The following RHOT2 variants were observed in gnomAD, a reference collection of about 807,000 sequenced individuals.
The protein encoded by RHOT2 is mitochondrial Rho GTPase 2.
Under a neutral mutation model 81.6 loss-of-function variants are expected in RHOT2, and 90 were observed. The observed-to-expected ratio is 1.10, with a 90% CI of 0.93 to 1.31. The LOEUF is 1.31. Among genes scored for constraint, RHOT2 ranks in the 40% most tolerant of loss-of-function variants. The pLI, the probability that RHOT2 is intolerant of heterozygous loss-of-function variation, is 0.00. For synonymous variants in RHOT2, 512 were observed against 370.9 expected (o/e 1.38, Z -4.37); for missense variants, 1,014 against 841.9 (o/e 1.20, Z -2.53).
intron 11 of RHOT2, 158 bp downstream of exon 11, chr16:671,361 G>C: frequency 6.5e-6 from 7 of 1,081,982 alleles, no homozygotes; most frequent in Non-Finnish European, 3.9e-6. Flanking sequence ...TCGTGCCCTT[G>C]CCTGGCTGTG....
rs551849157 is a variant in RHOT2, at chr16:672,106, C to T, written c.1120C>T (p.Arg374Trp). ...QWTLVTYLDV[R>W]SCLGHLGYLG... ...CAGCCTGGTGACCTACCTGGACGTCCGGAGCTGCCTTGGACACCTAGGCTA... is the reference window on the plus strand; with the variant it reads ...CAGCCTGGTGACCTACCTGGACGTCTGGAGCTGCCTTGGACACCTAGGCTA... Residue 374 changes from arginine to tryptophan, a missense_variant, in exon 14 of 19, where the codon CGG (arginine) becomes TGG (tryptophan). Transcript: ENST00000315082. 189 of 1,612,640 alleles carry T rather than the reference C, an allele frequency of 1.2e-4. 1 individual carries two copies. The South Asian group carries it at 1.9e-3, about 16-fold the overall frequency.
intron 11 of RHOT2, 110 bp downstream of exon 11, chr16:671,313 A>G (rs1419724590): frequency 7.7e-7 from 1 of 1,298,376 alleles, no homozygotes. Context: ...GCCCTCCCTG[A>G]GGGTCAGTGA....
At chr16:673,435 G>A (rs2039295073) in intron 18 of RHOT2, 45 bp from the exon 19 acceptor site, 1 of 1,611,508 alleles carries the variant, frequency 6.2e-7, no homozygotes, top group Non-Finnish European at 8.5e-7. Context: ...AGCAAGCTGG[G>A]GGCATGTGCC....
Position 673,028 on chromosome 16 carries a change from G to A in RHOT2, c.1628G>A (p.Cys543Tyr). The change falls in exon 18 of 19, where the codon TGC becomes TAC. Residue 543 changes from cysteine (C) to tyrosine (Y), a missense_variant. Transcript: ENST00000315082. ...TCTGGCCCATCACCGGCCGAGTTTT[G>A]CCGCAAGCACCGGCTACCCGCTCCC... The part of the protein sequence containing the change: ...AVSGPSPAEF[C>Y]RKHRLPAPVP... The A allele has an allele frequency of 6.2e-7, 1 of 1,612,330 alleles. No individual in the cohort carries two copies. Among genetic ancestry groups the A allele is most frequent in the Non-Finnish European group, 8.5e-7 (1 of 1,179,962 alleles).
At position 670,473 on chromosome 16, in the gene RHOT2, G is replaced by C; in HGVS notation, c.456G>C (p.Leu152=). Residue 152 remains leucine (L), a synonymous_variant, in exon 8 of 19, where the codon CTG becomes CTC. Coordinates refer to ENST00000315082, the MANE Select transcript of RHOT2 (RefSeq NM_138769.3). ...TTTCCCAGTGTTCGGCCAAGAACCT[G>C]AGGAACATCTCAGAGCTGTTCTACT... ...ETCVECSAKN[L]RNISELFYYA... 3.1e-6 allele frequency: 5 copies of C among 1,607,098 alleles called. No individual in the cohort carries two copies. Among genetic ancestry groups the C allele is most frequent in the Non-Finnish European group, 4.2e-6 (5 of 1,176,836 alleles).
At chr16:670,071 G>A (rs62032482) in intron 5 of RHOT2, 52 bp from the exon 6 acceptor site, 155,777 of 1,499,380 alleles carry the variant, frequency 0.1, 10,023 homozygotes, top group East Asian at 0.28. Context: ...CTCCAGCTGG[G>A]AGCCATGTGC....
chr16:670,811 G>A, intron 9 of RHOT2, 38 bp downstream of exon 9: 1 of 1,607,662 alleles, frequency 6.2e-7, no homozygotes, highest in Non-Finnish European at 8.5e-7. Flanking sequence ...CAGCCCCCTT[G>A]AACCTCCGCT....
rs2039382133 is a variant in RHOT2 at position 674,123 on chromosome 16, T to C, written c.*517T>C. 4.7e-6 allele frequency: 1 copy of C among 210,606 alleles called. No homozygotes were observed. Among genetic ancestry groups the C allele is most frequent in the Non-Finnish European group, 1.0e-5 (1 of 100,158 alleles). 13.0% of individuals were successfully genotyped at this position (210,606 alleles called of 1,614,324 possible). On this transcript the variant is annotated 3_prime_UTR_variant, in exon 19 of 19. Transcript: ENST00000315082. The stretch of plus-strand genomic sequence containing the variant: ...CCTGATTAAACTTCACTGTGTGTTT[T>C]CTATCTCGGATCCCAGTCTCTGAAG...
At chr16:671,537 C>T (rs544302347) in intron 11 of RHOT2, among the ~76,000 whole-genome samples, 160 bp from the exon 12 acceptor site, 1 of 152,306 alleles carries the variant, frequency 6.6e-6, no homozygotes, top group East Asian at 1.9e-4. Flanking sequence ...GGTGGGCACC[C>T]TCCTCCCCTA....
chr16:668,698 A>T lies in RHOT2; in HGVS notation c.221A>T (p.Lys74Met). 1.3e-6 allele frequency: 2 copies of T among 1,599,784 alleles called. No homozygotes were observed. The highest frequency in any genetic ancestry group is 1.7e-6 in the Non-Finnish European group (2 of 1,174,614). ...TDEELREEIHKANVVCVVYDV... is the reference protein window; with the variant it reads ...TDEELREEIHMANVVCVVYDV... ...GAGGAGCTGCGGGAGGAGATCCACA[A>T]GGTACCCGTGGTGCGCGGGACGAGG... Residue 74 changes from lysine (K) to methionine (M), a missense_variant and splice_region_variant, in exon 4 of 19, where the codon AAG becomes ATG. Lys to Met is a moderately conservative substitution (Grantham distance 95, BLOSUM62 -1). Coordinates refer to ENST00000315082, the MANE Select transcript of RHOT2 (RefSeq NM_138769.3).
In RHOT2 at chr16:671,948, C is replaced by A; in HGVS notation, c.1043C>A (p.Thr348Lys). 1 of 1,612,348 alleles carries A rather than the reference C, an allele frequency of 6.2e-7. No individual in the cohort carries two copies. The highest frequency in any genetic ancestry group is 2.2e-5 in the East Asian group (1 of 44,872). Residue 348 changes from threonine (T) to lysine (K), a missense_variant, in exon 13 of 19, where the codon ACA (threonine) becomes AAA (lysine). Coordinates refer to ENST00000315082, the MANE Select transcript of RHOT2 (RefSeq NM_138769.3). ...CCCTGGGGCCCCGAGCTCCCACGCA[C>A]AGTCCGCACAGAGGCCGGCCGGTTG... ...AAPWGPELPRTVRTEAGRLPL... is the reference protein window; with the variant it reads ...AAPWGPELPRKVRTEAGRLPL...
intron 18 of RHOT2, 55 bp from the exon 19 acceptor site, chr16:673,425 A>T: frequency 3.7e-6 from 6 of 1,608,774 alleles, no homozygotes; most frequent in Non-Finnish European, 5.1e-6. Context: ...GGTGCCCAGC[A>T]GCAAGCTGGG....
At position 673,790 on chromosome 16, in the gene RHOT2, C is replaced by T; in HGVS notation, c.*184C>T. ...CTTATGCTGCCATGCACTGCCCTGGCTCCTGCCGGACCCCCAGGGTGGGCC... is the reference window on the plus strand; with the variant it reads ...CTTATGCTGCCATGCACTGCCCTGGTTCCTGCCGGACCCCCAGGGTGGGCC... On this transcript the variant is annotated 3_prime_UTR_variant, in exon 19 of 19. Coordinates refer to ENST00000315082, the MANE Select transcript of RHOT2 (RefSeq NM_138769.3). 3.9e-6 allele frequency: 3 copies of T among 776,360 alleles called. No homozygotes were observed. The highest frequency in any genetic ancestry group is 1.8e-5 in the South Asian group (1 of 54,332). The allele number at this position is 776,360 out of a possible 1,614,324, so 48.1% of individuals were successfully genotyped here. A position where few individuals can be genotyped will look rare whatever the true frequency, so the allele number is the denominator to read the frequency against.
In RHOT2 at chr16:670,532, C is replaced by G. The variant is rs768236479; in HGVS notation, c.515C>G (p.Pro172Arg). ...AQKAVLHPTA[P>R]LYDPEAKQLR... Reference sequence around the variant, plus strand: ...AAGGCCGTCCTGCATCCCACAGCCCCCCTCTATGACCCTGAGGCCAAGCAG... The same window carrying G: ...AAGGCCGTCCTGCATCCCACAGCCCGCCTCTATGACCCTGAGGCCAAGCAG... The change falls in exon 8 of 19, where the codon CCC (proline) becomes CGC (arginine). Residue 172 changes from proline (P) to arginine (R), a missense_variant. Coordinates refer to ENST00000315082, the MANE Select transcript of RHOT2 (RefSeq NM_138769.3). The G allele has an allele frequency of 1.2e-5, 20 of 1,607,170 alleles. No homozygotes were observed. The highest frequency in any genetic ancestry group is 1.7e-4 in the Middle Eastern group (1 of 6,050).
In RHOT2 at chr16:668,487, G is replaced by A. The variant is rs780238585; in HGVS notation, c.97-1G>A. ...CTGGTGAGCGCGCGGGTCCCTTGCAGGTCCCTCCCCGCGCGGAGGAGATCA... is the reference window on the plus strand; with the variant it reads ...CTGGTGAGCGCGCGGGTCCCTTGCAAGTCCCTCCCCGCGCGGAGGAGATCA... On this transcript the variant is annotated splice_acceptor_variant, in intron 2 of 18. Transcript: ENST00000315082. LOFTEE classifies it high-confidence loss of function. 2 of 1,604,908 alleles carry A rather than the reference G, an allele frequency of 1.2e-6. No homozygotes were observed. Among genetic ancestry groups the A allele is most frequent in the South Asian group, 1.1e-5 (1 of 90,108 alleles).
chr16:669,818 C>T (rs1287028196), intron 5 of RHOT2: 13 of 622,458 alleles, frequency 2.1e-5, no homozygotes, highest in Non-Finnish European at 3.7e-5. Flanking sequence ...CCATTGAGGC[C>T]GGCAGTCCTC....
Position 673,600 on chromosome 16 carries a change from C to G in RHOT2, c.1851C>G (p.Ser617Arg), listed in dbSNP as rs754403778. The G allele has an allele frequency of 2.5e-6, 4 of 1,605,380 alleles. No individual in the cohort carries two copies. In the Admixed American group the frequency reaches 5.2e-5, roughly 21 times the overall value. ...SFSLYRVLVKSQ is the reference protein window; with the variant it reads ...SFSLYRVLVKRQ ...CACTCTACAGGGTCCTGGTGAAGAGCCAGTGAGGCCCCTGGTACCCAAGCC... is the reference window on the plus strand; with the variant it reads ...CACTCTACAGGGTCCTGGTGAAGAGGCAGTGAGGCCCCTGGTACCCAAGCC... Residue 617 changes from serine to arginine, a missense_variant, in exon 19 of 19, where the codon AGC becomes AGG. By Grantham distance (110) the Ser-to-Arg change is moderately radical. Coordinates refer to ENST00000315082, the MANE Select transcript of RHOT2 (RefSeq NM_138769.3).
intron 12 of RHOT2, 22 bp downstream of exon 12, chr16:671,803 T>TGCCCCCG: frequency 9.9e-6 from 13 of 1,308,106 alleles, no homozygotes; most frequent in East Asian, 4.8e-5. Flanking sequence ...GCGAGTCCCC[T>TGCCCCCG]GCCCCTGCCC....
Position 671,734 on chromosome 16 carries a change from C to T in RHOT2, c.907C>T (p.His303Tyr). 8 of 1,612,518 alleles carry T rather than the reference C, an allele frequency of 5.0e-6. No individual in the cohort carries two copies. Among genetic ancestry groups the T allele is most frequent in the Non-Finnish European group, 6.8e-6 (8 of 1,179,788 alleles). Residue 303 changes from histidine (H) to tyrosine (Y), a missense_variant, in exon 12 of 19, where the codon CAC (histidine) becomes TAC (tyrosine). His to Tyr is a moderately conservative substitution (Grantham distance 83). Coordinates refer to ENST00000315082, the MANE Select transcript of RHOT2 (RefSeq NM_138769.3). ...VPPGCSTELNHLGYQFVQRVF... is the reference protein window; with the variant it reads ...VPPGCSTELNYLGYQFVQRVF... ...CCCCGGCTGCAGCACGGAGCTCAAC[C>T]ACCTTGGCTACCAGTTTGTGCAGAG...
Sources: gnomAD v4.1 joint callset for allele counts (sites outside exome capture counted in the v4.1 genomes callset) on GRCh38, gnomAD v4.1.1 for gene constraint, MANE v1.5 for transcripts, NCBI Gene and HGNC (gene_info 2026-07-23, HGNC 2026-07-21) for gene names.